DIS3L: variants seen among roughly 807,000 people sequenced by gnomAD.
The protein encoded by DIS3L is DIS3 like exosome 3'-5' exoribonuclease.
A neutral mutation model predicts 120.3 loss-of-function variants in DIS3L; 100 were observed. The observed-to-expected ratio is 0.83, with a 90% CI of 0.71 to 0.98. DIS3L has a LOEUF of 0.98. DIS3L is among the 50% of genes least tolerant of loss of function. The probability of loss-of-function intolerance (pLI) is 0.00; values close to 1 mark genes in which losing one functional copy is unlikely to be tolerated. For missense variants in DIS3L, 1,196 were observed against 1,314.2 expected, an observed-to-expected ratio of 0.91 and a Z score of 1.39; for synonymous variants, 426 against 470.6, an observed-to-expected ratio of 0.91 and a Z score of 1.23.
chr15:66,316,393 A>G (rs11631625), intron 7 of DIS3L, among the ~76,000 whole-genome samples: 31,279 of 151,280 alleles, frequency 0.21, 3,979 homozygotes, highest in Middle Eastern at 0.33. Context: ...TACTTCCCCC[A>G]CAGCTCTCCT....
Position 66,315,028 on chromosome 15 carries a change from A to C in DIS3L, c.815-8A>C, listed in dbSNP as rs749678440. On this transcript the variant is annotated splice_polypyrimidine_tract_variant and splice_region_variant and intron_variant, in intron 6 of 16. Transcript: ENST00000319212. ...TTATGGGTTTTTTCTGTGCTGCCCCAAACACAGATTTAGTCAGTGACATCC... is the reference window on the plus strand; with the variant it reads ...TTATGGGTTTTTTCTGTGCTGCCCCCAACACAGATTTAGTCAGTGACATCC... 1 of 1,613,036 alleles carries C rather than the reference A, an allele frequency of 6.2e-7. No individual in the cohort carries two copies. The highest frequency in any genetic ancestry group is 8.5e-7 in the Non-Finnish European group (1 of 1,179,194).
At chr15:66,313,377 T>C (rs1237342524) in intron 5 of DIS3L, among the ~76,000 whole-genome samples, 1 of 152,208 alleles carries the variant, frequency 6.6e-6, no homozygotes, top group Admixed American at 6.5e-5. Flanking sequence ...TTCAGCACTT[T>C]GTATAGCTAA....
intron 3 of DIS3L, among the ~76,000 whole-genome samples, chr15:66,308,291 C>T (rs6494562): frequency 0.06 from 9,170 of 152,156 alleles, 366 homozygotes; most frequent in Middle Eastern, 0.11. Flanking sequence ...CATATCAGAC[C>T]CTATTGGATT....
Position 66,326,222 on chromosome 15 carries a change from C to G in DIS3L, c.2059C>G (p.Leu687Val), listed in dbSNP as rs368105741. The change falls in exon 12 of 17, where the codon CTG (leucine) becomes GTG (valine). Residue 687 changes from leucine (L) to valine (V), a missense_variant. Physicochemically the swap from Leu to Val is conservative, Grantham distance 32. Coordinates refer to ENST00000319212, the MANE Select transcript of DIS3L (RefSeq NM_001143688.3). ...CGAGACAGTGGCTGAATGCATGATC[C>G]TGGCCAACCACTGGGTCGCCAAAAA... ...VHETVAECMI[L>V]ANHWVAKKIW... The G allele has an allele frequency of 3.1e-6, 5 of 1,614,118 alleles. No individual in the cohort carries two copies. The African/African-American group carries it at 5.3e-5, about 17-fold the overall frequency.
chr15:66,326,017 A>G lies in DIS3L; in HGVS notation c.1854A>G (p.Arg618=). 6.2e-7 allele frequency: 1 copy of G among 1,614,212 alleles called. No individual in the cohort carries two copies. Among genetic ancestry groups the G allele is most frequent in the South Asian group, 1.1e-5 (1 of 91,090 alleles). Reference sequence around the variant, plus strand: ...TCAAAGACTTGGATGAGAAGAGCAGACAAGCCAAGCTGGAGGAGTTGGTGT... The same window carrying G: ...TCAAAGACTTGGATGAGAAGAGCAGGCAAGCCAAGCTGGAGGAGTTGGTGT... ...PEFKDLDEKS[R]QAKLEELVWA... The change falls in exon 12 of 17, where the codon AGA becomes AGG. Residue 618 remains arginine, a synonymous_variant. Transcript: ENST00000319212.
At chr15:66,293,552 C>G (rs932215494), upstream of DIS3L, 21 of 1,385,012 alleles carry the variant, frequency 1.5e-5, no homozygotes, top group Non-Finnish European at 2.0e-5. Context: ...GCGGCCTTGC[C>G]TCCGCCGCGC....
chr15:66,293,561 G>T (rs775914855), upstream of DIS3L: 2 of 1,398,626 alleles, frequency 1.4e-6, no homozygotes, highest in East Asian at 3.4e-5. Context: ...CCTCCGCCGC[G>T]CCCGCCACTC....
chr15:66,294,962 C>G (rs754652586), intron 1 of DIS3L, 26 bp from the exon 2 acceptor site: 2 of 1,579,088 alleles, frequency 1.3e-6, no homozygotes, highest in Admixed American at 3.7e-5. Context: ...ATTGTCTAAT[C>G]TCTTACATTT....
chr15:66,333,243 C>G lies in DIS3L; in HGVS notation c.3096C>G (p.Ser1032Arg). 6.2e-7 allele frequency: 1 copy of G among 1,614,060 alleles called. No homozygotes were observed. The highest frequency in any genetic ancestry group is 8.5e-7 in the Non-Finnish European group (1 of 1,180,022). Residue 1032 changes from serine to arginine, a missense_variant, in exon 17 of 17, where the codon AGC (serine) becomes AGG (arginine). Transcript: ENST00000319212. Reference sequence around the variant, plus strand: ...AATATCGCCAAACAAAGGGAAGGAGCCTATACACACTTCTAGAGGAGATAC... The same window carrying G: ...AATATCGCCAAACAAAGGGAAGGAGGCTATACACACTTCTAGAGGAGATAC... Reference protein sequence around the residue: ...YQEYRQTKGRSLYTLLEEIRD... With the variant: ...YQEYRQTKGRRLYTLLEEIRD...
At position 66,322,767 on chromosome 15, in the gene DIS3L, G is replaced by A. The variant is rs747467460; in HGVS notation, c.1407G>A (p.Arg469=). The change falls in exon 10 of 17, where the codon AGG becomes AGA. Residue 469 remains arginine (R), a synonymous_variant. Coordinates refer to ENST00000319212, the MANE Select transcript of DIS3L (RefSeq NM_001143688.3). ...AGGAACAAAAACGTAAAGACTTGAGGAAAAGCCATCTCGTATTCAGCATTG... is the reference window on the plus strand; with the variant it reads ...AGGAACAAAAACGTAAAGACTTGAGAAAAAGCCATCTCGTATTCAGCATTG... ...PEEEQKRKDL[R]KSHLVFSIDP... The A allele has an allele frequency of 1.9e-6, 3 of 1,614,166 alleles. No homozygotes were observed. The Admixed American group carries it at 5.0e-5, about 27-fold the overall frequency.
chr15:66,296,716 G>A (rs1390174508), intron 2 of DIS3L, among the ~76,000 whole-genome samples: 1 of 151,962 alleles, frequency 6.6e-6, no homozygotes, highest in Non-Finnish European at 1.5e-5. Context: ...TAGAGATGGG[G>A]TTTCACCATG....
Position 66,329,109 on chromosome 15 carries a change from G to T in DIS3L, c.2341G>T (p.Glu781Ter). The T allele has an allele frequency of 1.2e-6, 2 of 1,612,340 alleles. No homozygotes were observed. The highest frequency in any genetic ancestry group is 1.7e-6 in the Non-Finnish European group (2 of 1,179,518). The change falls in exon 13 of 17, where the codon GAG (glutamate) becomes TAG (stop). Residue 781 changes from glutamate to a stop codon, truncating the protein, a stop_gained. Transcript: ENST00000319212. LOFTEE classifies it high-confidence loss of function. ...CTCCACCGGATCCTGTGCGGAGGAG[G>T]AGTTCCATCATTACGGTGAATCATA... Reference protein sequence around the residue: ...YFSTGSCAEEEFHHYGLALDK... With the variant: ...YFSTGSCAEE
chr15:66,293,342 A>G (rs1488527869), upstream of DIS3L: 2 of 481,246 alleles, frequency 4.2e-6, no homozygotes, highest in Non-Finnish European at 5.9e-6. Flanking sequence ...TCCAGGTATC[A>G]TCCTAGTCTT....
chr15:66,326,050 T>G lies in DIS3L; in HGVS notation c.1887T>G (p.Ile629Met), dbSNP rs1387354304. Reference protein sequence around the residue: ...QAKLEELVWAIGKLTDIARHV... With the variant: ...QAKLEELVWAMGKLTDIARHV... Reference sequence around the variant, plus strand: ...AGCTGGAGGAGTTGGTGTGGGCAATTGGAAAGCTGACCGACATAGCTCGCC... The same window carrying G: ...AGCTGGAGGAGTTGGTGTGGGCAATGGGAAAGCTGACCGACATAGCTCGCC... The change falls in exon 12 of 17, where the codon ATT (isoleucine) becomes ATG (methionine). Residue 629 changes from isoleucine (I) to methionine (M), a missense_variant. Coordinates refer to ENST00000319212, the MANE Select transcript of DIS3L (RefSeq NM_001143688.3). 6.2e-7 allele frequency: 1 copy of G among 1,613,964 alleles called. No homozygotes were observed. The highest frequency in any genetic ancestry group is 8.5e-7 in the Non-Finnish European group (1 of 1,179,900).
At position 66,308,054 on chromosome 15, in the gene DIS3L, C is replaced by T. The variant is rs189293679; in HGVS notation, c.423-655C>T. 3.1e-3 allele frequency among the ~76,000 whole-genome samples: 478 copies of T among 152,268 alleles called. 4 individuals are homozygous for T. Among genetic ancestry groups the T allele is most frequent in the African/African-American group, 0.011 (464 of 41,544 alleles). ...AGGGATGGTGATGTGCACCTGTAGT[C>T]CCAGCTACTCAGGAGGCTGAGGCAG... On this transcript the variant is annotated intron_variant, in intron 3 of 16. Coordinates refer to ENST00000319212, the MANE Select transcript of DIS3L (RefSeq NM_001143688.3).
rs1374634223 is a variant in DIS3L, at chr15:66,312,227, A to AT, written c.735+327_735+328insT. On this transcript the variant is annotated intron_variant, in intron 5 of 16. Transcript: ENST00000319212. ...TCTCAATTAAAAAAAAAAAAAAAAA[A>AT]AGAATCTGTCAGGACCAGCCAGTAT... Among the ~76,000 whole-genome samples, 29 of 151,720 alleles carry AT rather than the reference A, an allele frequency of 1.9e-4. 1 individual carries two copies. In the East Asian group the frequency reaches 5.6e-3, roughly 29 times the overall value.
Position 66,320,566 on chromosome 15 carries a change from T to C in DIS3L, c.1165-5T>C, listed in dbSNP as rs1465722772. On this transcript the variant is annotated splice_region_variant and splice_polypyrimidine_tract_variant and intron_variant, in intron 8 of 16. Transcript: ENST00000319212. ...AGCTGTGTTTTATTTTTTCCTTTTGTGCAGGACTTCAGGGTGGTCGTGCGC... is the reference window on the plus strand; with the variant it reads ...AGCTGTGTTTTATTTTTTCCTTTTGCGCAGGACTTCAGGGTGGTCGTGCGC... The C allele has an allele frequency of 1.2e-6, 2 of 1,610,354 alleles. No homozygotes were observed. The highest frequency in any genetic ancestry group is 3.4e-5 in the Admixed American group (2 of 59,198).
At chr15:66,293,946 C>T in intron 1 of DIS3L, 1 of 995,818 alleles carries the variant, frequency 1.0e-6, no homozygotes, top group Non-Finnish European at 1.2e-6. Flanking sequence ...CCCGGGACTC[C>T]CTTACTGCTC....
intron 1 of DIS3L, chr15:66,294,530 A>C: frequency 1.0e-6 from 1 of 989,954 alleles, no homozygotes; most frequent in Non-Finnish European, 1.2e-6. Flanking sequence ...CGTTGCTTGC[A>C]CGGAGCATTT....
Sources: allele counts gnomAD v4.1 joint callset (sites outside exome capture counted in the v4.1 genomes callset), GRCh38; gene constraint gnomAD v4.1.1; transcripts MANE v1.5; gene names NCBI Gene and HGNC (gene_info 2026-07-23, HGNC 2026-07-21).